The following AGO1 variants were observed in gnomAD, a reference collection of about 807,000 sequenced individuals.
The protein encoded by AGO1 is argonaute RISC component 1.
AGO1 carries 11 observed loss-of-function variants against 109.2 expected under a neutral mutation model. The observed-to-expected ratio is 0.10, with a 90% confidence interval of 0.06 to 0.17. The LOEUF is 0.17. AGO1 is among the 10% of genes least tolerant of loss of function. AGO1 has a pLI of 1.00. For synonymous variants in AGO1, 422 were observed against 418.6 expected (o/e 1.01, Z -0.10); for missense variants, 574 against 1,140.3 (o/e 0.50, Z 7.15).
chr1:35,894,504 G>A (rs1353201804), intron 7 of AGO1, 102 bp downstream of exon 7: 27 of 1,186,086 alleles, frequency 2.3e-5, no homozygotes, highest in Non-Finnish European at 3.1e-5. Context: ...TTGAGAATGA[G>A]CCTTGGGGAC....
chr1:35,898,246 A>G (rs1202328782), intron 8 of AGO1, among the ~76,000 whole-genome samples: 1 of 151,912 alleles, frequency 6.6e-6, no homozygotes. Flanking sequence ...ATAATATATA[A>G]CAATGTTTAA....
At chr1:35,890,339 G>T (rs1377893871) in intron 2 of AGO1, among the ~76,000 whole-genome samples, 1 of 152,082 alleles carries the variant, frequency 6.6e-6, no homozygotes, top group Non-Finnish European at 1.5e-5. Flanking sequence ...TACCATTCTT[G>T]AATATGCTTC....
At chr1:35,892,807 T>G in intron 3 of AGO1, 130 bp downstream of exon 3, 1 of 1,271,782 alleles carries the variant, frequency 7.9e-7, no homozygotes, top group Non-Finnish European at 1.1e-6. Context: ...GGGTGAGGGG[T>G]GGGTAGGTGC....
intron 8 of AGO1, among the ~76,000 whole-genome samples, chr1:35,899,885 G>A (rs1048999312): frequency 3.9e-5 from 6 of 152,134 alleles, no homozygotes; most frequent in African/African-American, 1.4e-4. Context: ...AAGATTCTCA[G>A]AGTGGTTAAG....
At chr1:35,907,990 T>G (rs1645555846) in intron 12 of AGO1, among the ~76,000 whole-genome samples, 1 of 152,190 alleles carries the variant, frequency 6.6e-6, no homozygotes, top group East Asian at 1.9e-4. Context: ...AGTCATCTTG[T>G]GCACCTGTGG....
intron 1 of AGO1, among the ~76,000 whole-genome samples, chr1:35,871,803 C>T (rs894650997): frequency 1.3e-5 from 2 of 152,078 alleles, no homozygotes; most frequent in Non-Finnish European, 2.9e-5. Flanking sequence ...GGTGCGGTGG[C>T]TCACGCCTGT....
chr1:35,887,660 C>CT (rs138030683), intron 1 of AGO1, among the ~76,000 whole-genome samples: 7,406 of 149,274 alleles, frequency 0.05, 257 homozygotes, highest in South Asian at 0.086. Flanking sequence ...TTTATTCAAG[C>CT]TTTTTTTTTT....
upstream of AGO1, among the ~76,000 whole-genome samples, chr1:35,881,328 GT>G (rs537308356): frequency 6.6e-6 from 1 of 150,444 alleles, no homozygotes; most frequent in Non-Finnish European, 1.5e-5. Flanking sequence ...TTTGGTTTTT[GT>G]TTTTTTTTGA....
intron 14 of AGO1, among the ~76,000 whole-genome samples, chr1:35,914,775 A>G (rs894668387): frequency 3.6e-4 from 55 of 152,202 alleles, no homozygotes; most frequent in Admixed American, 3.6e-3. Context: ...AAACCCTCAC[A>G]TTTCTGTAAG....
At position 35,923,628 on chromosome 1, in the gene AGO1, G is replaced by A. The variant is rs1645872617; in HGVS notation, c.*4021G>A. 6.6e-6 allele frequency: 1 copy of A among 152,642 alleles called. No homozygotes were observed. The highest frequency in any genetic ancestry group is 1.5e-5 in the Non-Finnish European group (1 of 68,042). The allele number at this position is 152,642 out of a possible 1,614,324, so 9.5% of individuals were successfully genotyped here. ...TACTATTTGGCCTTCTAAGCAGATT[G>A]GGAAGGAGGTATTTTCTGGTTTTCG... On this transcript the variant is annotated 3_prime_UTR_variant, in exon 19 of 19. Coordinates refer to ENST00000373204, the MANE Select transcript of AGO1 (RefSeq NM_012199.5).
rs1645960818 is a variant in AGO1 at position 35,927,931 on chromosome 1, A to G, written c.*8324A>G. ...CTTGTAGAAACTGATGGTCTAGGAG[A>G]AGAGATTTGAACTCAGGTGCCCAGT... is the stretch of plus-strand genomic sequence containing the variant. On this transcript the variant is annotated 3_prime_UTR_variant, in exon 19 of 19. Transcript: ENST00000373204. 6.6e-6 allele frequency: 1 copy of G among 152,222 alleles called. No individual in the cohort carries two copies. Among genetic ancestry groups the G allele is most frequent in the Non-Finnish European group, 1.5e-5 (1 of 68,042 alleles). The allele number at this position is 152,222 out of a possible 1,614,324, so 9.4% of individuals were successfully genotyped here. A position where few individuals can be genotyped will look rare whatever the true frequency, so the allele number is the denominator to read the frequency against.
At position 35,893,158 on chromosome 1, in the gene AGO1, A is replaced by C; in HGVS notation, c.392A>C (p.Lys131Thr). 1 of 1,614,158 alleles carries C rather than the reference A, an allele frequency of 6.2e-7. No homozygotes were observed. Among genetic ancestry groups the C allele is most frequent in the East Asian group, 2.2e-5 (1 of 44,888 alleles). The change falls in exon 4 of 19, where the codon AAG (lysine) becomes ACG (threonine). Residue 131 changes from lysine to threonine, a missense_variant. Lys to Thr is a moderately conservative substitution (Grantham distance 78, BLOSUM62 -1). Coordinates refer to ENST00000373204, the MANE Select transcript of AGO1 (RefSeq NM_012199.5). The surrounding 1 kb of genome is among the most constrained non-coding windows in gnomAD (Gnocchi z 5.6). ...GKDRIFKVSI[K>T]WLAIVSWRML... ...GATCGAATCTTTAAGGTCTCCATCAAGTGGCTAGCCATTGTGAGCTGGCGA... is the reference window on the plus strand; with the variant it reads ...GATCGAATCTTTAAGGTCTCCATCACGTGGCTAGCCATTGTGAGCTGGCGA...
intron 17 of AGO1, 27 bp downstream of exon 17, chr1:35,918,450 A>C: frequency 1.3e-6 from 2 of 1,550,480 alleles, no homozygotes; most frequent in Non-Finnish European, 1.8e-6. Context: ...TTGTGGTTCC[A>C]ATGGGTCAAA....
chr1:35,912,759 A>G (rs1204149978), intron 12 of AGO1, among the ~76,000 whole-genome samples: 2 of 151,680 alleles, frequency 1.3e-5, no homozygotes, highest in Non-Finnish European at 2.9e-5. Flanking sequence ...TTTTTAGTAG[A>G]TACGGGGTTT....
At position 35,893,169 on chromosome 1, in the gene AGO1, A is replaced by G. The variant is rs974811600; in HGVS notation, c.403A>G (p.Ile135Val). 9 of 1,614,016 alleles carry G rather than the reference A, an allele frequency of 5.6e-6. No homozygotes were observed. Among genetic ancestry groups the G allele is most frequent in the South Asian group, 3.3e-5 (3 of 91,084 alleles). The part of the protein sequence containing the change: ...IFKVSIKWLA[I>V]VSWRMLHEAL... ...TAAGGTCTCCATCAAGTGGCTAGCC[A>G]TTGTGAGCTGGCGAATGCTGCATGA... is the stretch of plus-strand genomic sequence containing the variant. The change falls in exon 4 of 19, where the codon ATT becomes GTT. Residue 135 changes from isoleucine to valine, a missense_variant. Coordinates refer to ENST00000373204, the MANE Select transcript of AGO1 (RefSeq NM_012199.5). The surrounding 1 kb of genome is among the most constrained non-coding windows in gnomAD (Gnocchi z 5.6).
At chr1:35,913,663 C>T (rs540139664) in intron 12 of AGO1, among the ~76,000 whole-genome samples, 179 bp from the exon 13 acceptor site, 3 of 152,018 alleles carry the variant, frequency 2.0e-5, no homozygotes, top group South Asian at 2.1e-4. Context: ...CATTTATCAG[C>T]GTTGTAATTT....
intron 2 of AGO1, among the ~76,000 whole-genome samples, chr1:35,891,824 C>T (rs1645224644): frequency 6.6e-6 from 1 of 151,968 alleles, no homozygotes; most frequent in Admixed American, 6.6e-5. Flanking sequence ...CTTGGCCTCC[C>T]AAAGTGCTGG....
chr1:35,870,248 G>T (rs1213184298), intron 1 of AGO1, among the ~76,000 whole-genome samples: 1 of 151,274 alleles, frequency 6.6e-6, no homozygotes, highest in East Asian at 1.9e-4. Flanking sequence ...TCTTTTTGTC[G>T]TCAAAAGAAA....
In AGO1 at chr1:35,907,143, T is replaced by A. The variant is rs575155984; in HGVS notation, c.1582+24T>A. 182 of 1,594,010 alleles carry A rather than the reference T, an allele frequency of 1.1e-4. 3 individuals carry two copies. The South Asian group carries it at 1.9e-3, about 16-fold the overall frequency. ...TGGTACAGTTCTCTTGGGACAGTGATAATGGTGATAGGACTCTTCTCAGCG... is the reference window on the plus strand; with the variant it reads ...TGGTACAGTTCTCTTGGGACAGTGAAAATGGTGATAGGACTCTTCTCAGCG... On this transcript the variant is annotated intron_variant, in intron 12 of 18. Coordinates refer to ENST00000373204, the MANE Select transcript of AGO1 (RefSeq NM_012199.5).
Sources: gnomAD v4.1 joint callset for allele counts (sites outside exome capture counted in the v4.1 genomes callset) on GRCh38, gnomAD v4.1.1 for gene constraint, Gnocchi (gnomAD v3.1) non-coding constraint, MANE v1.5 for transcripts, NCBI Gene and HGNC (gene_info 2026-07-23, HGNC 2026-07-21) for gene names.